Variants in GRID2 observed in about 807,000 individuals in gnomAD.
GRID2 encodes the protein glutamate ionotropic receptor delta type subunit 2.
A neutral mutation model predicts 114.8 loss-of-function variants in GRID2; 33 were observed. The observed-to-expected ratio is 0.29, with a 90% CI of 0.22 to 0.38. GRID2 has a LOEUF of 0.38. GRID2 is among the 10% of genes least tolerant of loss of function. GRID2 has a pLI of 1.00. For synonymous variants in GRID2, 505 were observed against 449.9 expected (o/e 1.12, Z -1.55); for missense variants, 1,184 against 1,257.7 (o/e 0.94, Z 0.89).
At chr4:92,770,509 T>A (rs896392299) in intron 2 of GRID2, among the ~76,000 whole-genome samples, 8 of 152,302 alleles carry the variant, frequency 5.3e-5, no homozygotes, top group Admixed American at 5.2e-4. Context: ...TTCATGTTGC[T>A]GATAAAGACA....
At chr4:92,497,064 A>T (rs1333001091) in intron 1 of GRID2, among the ~76,000 whole-genome samples, 1 of 151,832 alleles carries the variant, frequency 6.6e-6, no homozygotes, top group South Asian at 2.1e-4. Flanking sequence ...TAGTTCAAAG[A>T]TTACTTTTAG....
intron 2 of GRID2, among the ~76,000 whole-genome samples, chr4:92,835,945 G>C (rs1742423445): frequency 6.6e-6 from 1 of 152,022 alleles, no homozygotes; most frequent in Non-Finnish European, 1.5e-5. Flanking sequence ...TTCTACGGTA[G>C]TTTCTGTATT....
intron 11 of GRID2, among the ~76,000 whole-genome samples, chr4:93,462,175 T>C (rs973636052): frequency 6.6e-6 from 1 of 151,982 alleles, no homozygotes; most frequent in South Asian, 2.1e-4. Flanking sequence ...TTAACTAGGG[T>C]TTAATAAATA....
intron 2 of GRID2, among the ~76,000 whole-genome samples, chr4:92,768,552 A>G (rs182043424): frequency 8.5e-5 from 13 of 152,302 alleles, no homozygotes; most frequent in Non-Finnish European, 1.8e-4. Context: ...CTGGTGTATT[A>G]GTTTATTTTC....
chr4:92,850,774 C>T (rs1268722951), intron 2 of GRID2, among the ~76,000 whole-genome samples: 1 of 151,872 alleles, frequency 6.6e-6, no homozygotes, highest in Non-Finnish European at 1.5e-5. Context: ...TGAATCGAGA[C>T]CCACAATGAC....
At chr4:93,540,562 CATTGG>C (rs1732562046) in intron 13 of GRID2, among the ~76,000 whole-genome samples, 2 of 152,124 alleles carry the variant, frequency 1.3e-5, no homozygotes, top group South Asian at 4.1e-4. Context: ...GAGCTTGTTT[CATTGG>C]CAAAATAGGG....
At chr4:92,957,867 A>G (rs536204661) in intron 2 of GRID2, among the ~76,000 whole-genome samples, 8 of 151,948 alleles carry the variant, frequency 5.3e-5, no homozygotes, top group Admixed American at 1.3e-4. Flanking sequence ...GATTCTGTGC[A>G]TATTTTGTTA....
At chr4:93,029,488 T>A (rs903701473) in intron 2 of GRID2, among the ~76,000 whole-genome samples, 3 of 152,136 alleles carry the variant, frequency 2.0e-5, no homozygotes, top group African/African-American at 7.2e-5. Context: ...TACATGTAAT[T>A]GTGATTTTGG....
chr4:93,714,255 C>A (rs944516857), intron 14 of GRID2, among the ~76,000 whole-genome samples: 4 of 152,088 alleles, frequency 2.6e-5, no homozygotes, highest in African/African-American at 9.7e-5. Flanking sequence ...CATGTTCCTG[C>A]AAAGACCATA....
intron 10 of GRID2, among the ~76,000 whole-genome samples, chr4:93,433,235 G>A (rs1237704564): frequency 6.6e-5 from 10 of 152,320 alleles, no homozygotes; most frequent in African/African-American, 2.4e-4. Context: ...ATTGTTGTAA[G>A]GAATATCTAC....
chr4:93,349,114 C>A (rs992411030), intron 8 of GRID2, among the ~76,000 whole-genome samples: 1 of 152,090 alleles, frequency 6.6e-6, no homozygotes, highest in African/African-American at 2.4e-5. Flanking sequence ...ATACTAATGC[C>A]TCTTCATATA....
intron 2 of GRID2, among the ~76,000 whole-genome samples, chr4:92,651,622 T>G (rs1187607937): frequency 1.3e-5 from 2 of 152,108 alleles, no homozygotes; most frequent in Non-Finnish European, 2.9e-5. Flanking sequence ...TCCCCAAATT[T>G]CTTTGTCACC....
At chr4:92,666,650 G>GTTT (rs70942922) in intron 2 of GRID2, among the ~76,000 whole-genome samples, 18 of 68,580 alleles carry the variant, frequency 2.6e-4, no homozygotes, top group South Asian at 5.7e-4. Flanking sequence ...CTTAAGGGTT[G>GTTT]TTTTTTTTTT....
chr4:93,032,727 C>A (rs945930288), intron 2 of GRID2, among the ~76,000 whole-genome samples: 2 of 152,066 alleles, frequency 1.3e-5, no homozygotes, highest in African/African-American at 4.8e-5. Flanking sequence ...AAGAAGAAAA[C>A]AATTATCATA....
rs183358004 is a variant in GRID2 at position 92,768,899 on chromosome 4, G to A, written c.244+178613G>A. Among the ~76,000 whole-genome samples the A allele has an allele frequency of 1.6e-3, 237 of 152,150 alleles. 1 individual carries two copies. The highest frequency in any genetic ancestry group is 0.01 in the Middle Eastern group (3 of 294). ...ACAATTCAAGATGAGATTTGCGTGG[G>A]GACACATACAAACCATATTATTCTG... On this transcript the variant is annotated intron_variant, in intron 2 of 15. Coordinates refer to ENST00000282020, the MANE Select transcript of GRID2 (RefSeq NM_001510.4).
intron 2 of GRID2, among the ~76,000 whole-genome samples, chr4:92,933,084 A>G (rs985353729): frequency 1.3e-5 from 2 of 150,956 alleles, no homozygotes; most frequent in African/African-American, 4.8e-5. Context: ...TTTTATATAC[A>G]TTATAATTCA....
At chr4:92,482,823 G>A (rs1214890728) in intron 1 of GRID2, among the ~76,000 whole-genome samples, 1 of 151,340 alleles carries the variant, frequency 6.6e-6, no homozygotes, top group African/African-American at 2.4e-5. Flanking sequence ...CTTAAACAAT[G>A]TATTATTTTA....
chr4:93,485,693 G>A (rs973163149), intron 11 of GRID2, among the ~76,000 whole-genome samples: 1 of 151,712 alleles, frequency 6.6e-6, no homozygotes, highest in Non-Finnish European at 1.5e-5. Flanking sequence ...GCCTATGTAT[G>A]CATGGACAAC....
chr4:92,674,900 T>C (rs1733268096), intron 2 of GRID2, among the ~76,000 whole-genome samples: 2 of 152,204 alleles, frequency 1.3e-5, no homozygotes, highest in Admixed American at 1.3e-4. Context: ...TTCCTATTAC[T>C]TTCAAAACCT....
Sources: gnomAD v4.1 joint callset for allele counts (sites outside exome capture counted in the v4.1 genomes callset) on GRCh38, gnomAD v4.1.1 for gene constraint, MANE v1.5 for transcripts, NCBI Gene and HGNC (gene_info 2026-07-23, HGNC 2026-07-21) for gene names.